Variants in CBFA2T2 observed in about 807,000 individuals in gnomAD.
CBFA2T2 encodes the protein protein CBFA2T2.
CBFA2T2 carries 11 observed loss-of-function variants against 62.2 expected under a neutral mutation model. The observed-to-expected ratio is 0.18, with a 90% confidence interval of 0.11 to 0.29. CBFA2T2 has a LOEUF of 0.29. Ranked by LOEUF, CBFA2T2 falls within the 10% of genes least tolerant of loss-of-function variation. The pLI is 1.00. For synonymous variants in CBFA2T2, 295 were observed against 287.5 expected (o/e 1.03, Z -0.27); for missense variants, 592 against 774.1 (o/e 0.76, Z 2.79).
At chr20:33,628,032 G>C (rs1339267466) in intron 6 of CBFA2T2, among the ~76,000 whole-genome samples, 1 of 152,194 alleles carries the variant, frequency 6.6e-6, no homozygotes, top group East Asian at 1.9e-4. Flanking sequence ...TCAACACTTA[G>C]TATTATCTGA....
chr20:33,635,737 T>C (rs776581144), intron 8 of CBFA2T2, among the ~76,000 whole-genome samples: 37 of 152,040 alleles, frequency 2.4e-4, no homozygotes, highest in Non-Finnish European at 5.0e-4. Flanking sequence ...AATTAGGCGG[T>C]CATGGTGGTA....
intron 1 of CBFA2T2, among the ~76,000 whole-genome samples, chr20:33,589,010 C>A (rs1209310923): frequency 6.6e-6 from 1 of 152,052 alleles, no homozygotes; most frequent in Non-Finnish European, 1.5e-5. Flanking sequence ...ATAAATACAT[C>A]CCTTCCCCTA....
chr20:33,515,091 G>A (rs1320543576), intron 1 of CBFA2T2, among the ~76,000 whole-genome samples: 9 of 150,700 alleles, frequency 6.0e-5, no homozygotes, highest in African/African-American at 1.9e-4. Context: ...GCTCACGCCT[G>A]TAATCACAGC....
At chr20:33,553,818 T>G (rs187251169) in intron 1 of CBFA2T2, among the ~76,000 whole-genome samples, 165 of 152,320 alleles carry the variant, frequency 1.1e-3, no homozygotes, top group African/African-American at 3.5e-3. Flanking sequence ...TGAAAAATGA[T>G]TTTATTTTTG....
chr20:33,512,311 A>G (rs1389121456), intron 1 of CBFA2T2, among the ~76,000 whole-genome samples: 2 of 152,154 alleles, frequency 1.3e-5, no homozygotes, highest in Non-Finnish European at 2.9e-5. Context: ...AGATGGGGCT[A>G]CTGCACTCCA....
At chr20:33,560,904 A>G (rs2013063493) in intron 1 of CBFA2T2, among the ~76,000 whole-genome samples, 1 of 151,948 alleles carries the variant, frequency 6.6e-6, no homozygotes, top group Non-Finnish European at 1.5e-5. Flanking sequence ...TTTGAGACGG[A>G]GTCTCGCTCT....
intron 1 of CBFA2T2, among the ~76,000 whole-genome samples, chr20:33,520,912 A>G (rs1198515691): frequency 4.6e-5 from 7 of 150,916 alleles, no homozygotes; most frequent in Admixed American, 2.0e-4. Flanking sequence ...ACGCACGCGC[A>G]CACACACACA....
At chr20:33,551,882 AT>A (rs1161650992) in intron 1 of CBFA2T2, among the ~76,000 whole-genome samples, 2 of 149,870 alleles carry the variant, frequency 1.3e-5, no homozygotes, top group African/African-American at 4.9e-5. Flanking sequence ...TTAATTCTTG[AT>A]TTTTTTTTCC....
At chr20:33,573,391 T>C (rs1303237052) in intron 1 of CBFA2T2, among the ~76,000 whole-genome samples, 2 of 152,206 alleles carry the variant, frequency 1.3e-5, no homozygotes, top group Admixed American at 1.3e-4. Flanking sequence ...GGTGATTATT[T>C]TAAGAATGCA....
chr20:33,589,197 T>C (rs1421102391), intron 1 of CBFA2T2, among the ~76,000 whole-genome samples: 1 of 152,176 alleles, frequency 6.6e-6, no homozygotes, highest in Admixed American at 6.6e-5. Flanking sequence ...GATGCACAAA[T>C]GAATGCCTCT....
At chr20:33,567,626 A>G (rs1179392191) in intron 1 of CBFA2T2, among the ~76,000 whole-genome samples, 2 of 149,644 alleles carry the variant, frequency 1.3e-5, no homozygotes, top group African/African-American at 5.0e-5. Context: ...CTTGTTGCCC[A>G]GGCTGGAGTG....
chr20:33,527,107 G>T (rs1345761112), intron 1 of CBFA2T2, among the ~76,000 whole-genome samples: 1 of 152,156 alleles, frequency 6.6e-6, no homozygotes, highest in Non-Finnish European at 1.5e-5. Context: ...GTAAAGTTTT[G>T]TAAACCCAGA....
chr20:33,490,100 GCGGCGGCGA>G lies in CBFA2T2; in HGVS notation c.-162_-154del, dbSNP rs1019257009. 2.8e-4 allele frequency: 184 copies of G among 646,836 alleles called. No homozygotes were observed. The highest frequency in any genetic ancestry group is 6.5e-5 in the Non-Finnish European group (32 of 493,956). The allele number at this position is 646,836 out of a possible 1,614,324, so 40.1% of individuals were successfully genotyped here. A position where few individuals can be genotyped will look rare whatever the true frequency, so the allele number is the denominator to read the frequency against. ...GGGGCGCGGCCTAACGGCGGCGGCGGCGGCGGCGACGGCGACAGCAGCGGTGGTGGTGTC... is the reference window on the plus strand; with the variant it reads ...GGGGCGCGGCCTAACGGCGGCGGCGGCGGCGACAGCAGCGGTGGTGGTGTC... On this transcript the variant is annotated 5_prime_UTR_variant, in exon 1 of 11. Transcript: ENST00000342704.
chr20:33,624,251 A>AG (rs1368572916), intron 5 of CBFA2T2, among the ~76,000 whole-genome samples: 2 of 150,768 alleles, frequency 1.3e-5, no homozygotes, highest in African/African-American at 4.9e-5. Context: ...AAAAAAAAAA[A>AG]AAAAGAAAAT....
intron 6 of CBFA2T2, 137 bp from the exon 7 acceptor site, chr20:33,628,213 G>T: frequency 3.1e-6 from 2 of 636,448 alleles, no homozygotes; most frequent in Non-Finnish European, 5.6e-6. Flanking sequence ...CATTTTGTGG[G>T]TCCCCCACCC....
chr20:33,556,477 T>C (rs550818747), intron 1 of CBFA2T2, among the ~76,000 whole-genome samples: 3 of 152,180 alleles, frequency 2.0e-5, no homozygotes, highest in Admixed American at 2.0e-4. Flanking sequence ...AAAATTACTA[T>C]CCTCTTTGTG....
rs957188792 is a variant in CBFA2T2 at position 33,647,628 on chromosome 20, G to C, written c.*2982G>C. Reference sequence around the variant, plus strand: ...CTCCAGTGGCCATAAAACTAGCCAGGGTAGCTCATGCTTTTACTGGTTGGA... The same window carrying C: ...CTCCAGTGGCCATAAAACTAGCCAGCGTAGCTCATGCTTTTACTGGTTGGA... On this transcript the variant is annotated 3_prime_UTR_variant, in exon 11 of 11. Transcript: ENST00000342704. 1.3e-4 allele frequency: 20 copies of C among 152,162 alleles called. No homozygotes were observed. The highest frequency in any genetic ancestry group is 2.1e-4 in the South Asian group (1 of 4,828). 9.4% of individuals were successfully genotyped at this position (152,162 alleles called of 1,614,324 possible).
rs922354399 is a variant in CBFA2T2, at chr20:33,622,969, T to C, written c.511-146T>C. The C allele has an allele frequency of 2.8e-5, 19 of 685,298 alleles. No homozygotes were observed. The South Asian group carries it at 2.8e-4, about 10-fold the overall frequency. 42.5% of individuals were successfully genotyped at this position (685,298 alleles called of 1,614,324 possible). ...TCAAGTGCAGTATAAGAGATATCAT[T>C]GACTCACAGAAGAAGCATTTGAAAA... On this transcript the variant is annotated intron_variant, in intron 4 of 10. Transcript: ENST00000342704.
At chr20:33,557,874 C>T (rs1412914871) in intron 1 of CBFA2T2, among the ~76,000 whole-genome samples, 4 of 151,422 alleles carry the variant, frequency 2.6e-5, no homozygotes, top group Non-Finnish European at 4.4e-5. Context: ...CTTGCTCTGT[C>T]GCCCAAGCTA....
Sources: gnomAD v4.1 joint callset for allele counts (sites outside exome capture counted in the v4.1 genomes callset) on GRCh38, gnomAD v4.1.1 for gene constraint, MANE v1.5 for transcripts, NCBI Gene and HGNC (gene_info 2026-07-23, HGNC 2026-07-21) for gene names.